The following ROBO2 variants were observed in gnomAD, a reference collection of about 807,000 sequenced individuals.
The protein encoded by ROBO2 is roundabout guidance receptor 2.
ROBO2 carries 53 observed loss-of-function variants against 160.8 expected under a neutral mutation model. The observed-to-expected ratio is 0.33, with a 90% CI of 0.26 to 0.41. The LOEUF is 0.41. ROBO2 is among the 10% of genes least tolerant of loss of function. The pLI, the probability that ROBO2 is intolerant of heterozygous loss-of-function variation, is 1.00. For synonymous variants in ROBO2, 664 were observed against 611.7 expected (o/e 1.09, Z -1.26); for missense variants, 1,577 against 1,722.4 (o/e 0.92, Z 1.49).
chr3:77,000,076 G>A (rs535656178), intron 2 of ROBO2, among the ~76,000 whole-genome samples: 11 of 152,064 alleles, frequency 7.2e-5, no homozygotes, highest in South Asian at 2.1e-4. Flanking sequence ...AACCTGAGTC[G>A]AGATGACCTG....
At chr3:76,435,253 C>G (rs2076618576) in intron 2 of ROBO2, 2 of 1,503,476 alleles carry the variant, frequency 1.3e-6, no homozygotes, top group South Asian at 2.3e-5. Context: ...GGCTGCCATG[C>G]TTACCTGAGC....
chr3:76,345,485 A>C (rs1292611578), intron 2 of ROBO2, among the ~76,000 whole-genome samples: 1 of 150,448 alleles, frequency 6.6e-6, no homozygotes, highest in Non-Finnish European at 1.5e-5. Flanking sequence ...ATTTTCAACA[A>C]GAAAACTATT....
chr3:77,340,553 C>T (rs879331797), intron 2 of ROBO2, among the ~76,000 whole-genome samples: 3 of 152,024 alleles, frequency 2.0e-5, no homozygotes, highest in Non-Finnish European at 4.4e-5. Context: ...GAACATAAGA[C>T]AAATCATCAT....
At chr3:76,580,889 A>G (rs568001854) in intron 2 of ROBO2, among the ~76,000 whole-genome samples, 1 of 152,264 alleles carries the variant, frequency 6.6e-6, no homozygotes, top group African/African-American at 2.4e-5. Flanking sequence ...GGCTAGTTTT[A>G]TATTTCTGGA....
At chr3:76,973,269 C>T (rs1413123173) in intron 2 of ROBO2, among the ~76,000 whole-genome samples, 1 of 152,258 alleles carries the variant, frequency 6.6e-6, no homozygotes, top group African/African-American at 2.4e-5. Context: ...CAAGTCCTAG[C>T]AACTCAGTGG....
intron 2 of ROBO2, among the ~76,000 whole-genome samples, chr3:76,127,133 A>G (rs373686278): frequency 2.0e-5 from 3 of 152,140 alleles, no homozygotes; most frequent in Admixed American, 6.5e-5. Context: ...ATCCATTACT[A>G]TGATTTCATA....
chr3:77,119,001 G>A (rs559662973), intron 2 of ROBO2, among the ~76,000 whole-genome samples: 1 of 152,272 alleles, frequency 6.6e-6, no homozygotes, highest in South Asian at 2.1e-4. Flanking sequence ...CTGGTGGGAG[G>A]TGATTGGATC....
chr3:76,523,970 CTG>C (rs972817951), intron 2 of ROBO2, among the ~76,000 whole-genome samples: 19 of 131,864 alleles, frequency 1.4e-4, no homozygotes, highest in Non-Finnish European at 2.1e-4. Context: ...AGTGAATATG[CTG>C]TGTGTGTGTG....
chr3:77,164,776 CGCCCGGCCAGCCGCCCCG>C (rs2078875226), intron 2 of ROBO2, among the ~76,000 whole-genome samples: 2 of 7,042 alleles, frequency 2.8e-4, no homozygotes, highest in African/African-American at 4.6e-4. Flanking sequence ...GTCAGACCCC[CGCCCGGCCAGCCGCCCCG>C]TCCGGGAGGT....
chr3:76,730,258 C>T lies in ROBO2; in HGVS notation c.110-367756C>T, dbSNP rs28670148. ...CTCACCTCCTACTCCCTACCCGCTT[C>T]TCCTCACCTCCTACTCCCTACCCGC... On this transcript the variant is annotated intron_variant, in intron 2 of 26. Transcript: ENST00000487694. Among the ~76,000 whole-genome samples, 58 of 29,038 alleles carry T rather than the reference C, an allele frequency of 2.0e-3. 2 individuals carry two copies. The highest frequency in any genetic ancestry group is 0.016 in the East Asian group (18 of 1,156). The allele number at this position is 29,038 out of a possible 152,430, so 19.1% of individuals were successfully genotyped here. A position where few individuals can be genotyped will look rare whatever the true frequency, so the allele number is the denominator to read the frequency against.
intron 2 of ROBO2, among the ~76,000 whole-genome samples, chr3:75,981,057 C>T (rs1482234033): frequency 3.3e-5 from 5 of 151,390 alleles, no homozygotes; most frequent in Middle Eastern, 3.4e-3. Context: ...AAATATTAAC[C>T]AAGTATTTCT....
rs543824251 is a variant in ROBO2, at chr3:76,185,305, A to G, written c.109+247703A>G. Among the ~76,000 whole-genome samples, 54 of 149,008 alleles carry G rather than the reference A, an allele frequency of 3.6e-4. 1 individual carries two copies. Among genetic ancestry groups the G allele is most frequent in the South Asian group, 2.1e-3 (10 of 4,714 alleles). ...GTAAACATTATTTACTGTTTTTATAAAGAAACCAATCTATTATCATTGCTT... is the reference window on the plus strand; with the variant it reads ...GTAAACATTATTTACTGTTTTTATAGAGAAACCAATCTATTATCATTGCTT... On this transcript the variant is annotated intron_variant, in intron 2 of 26. Transcript: ENST00000487694.
chr3:77,234,561 C>G (rs1026049247), intron 2 of ROBO2, among the ~76,000 whole-genome samples: 1 of 152,022 alleles, frequency 6.6e-6, no homozygotes, highest in Non-Finnish European at 1.5e-5. Context: ...AGAAGGTTAT[C>G]TGGCATATGA....
At position 76,197,495 on chromosome 3, in the gene ROBO2, A is replaced by C. The variant is rs552633870; in HGVS notation, c.109+259893A>C. ...ATCTCTCTATAGATTTGGATCTGGG[A>C]CTACCTTTCTCCTTTTGGGGAGTGA... is the stretch of plus-strand genomic sequence containing the variant. On this transcript the variant is annotated intron_variant, in intron 2 of 26. Coordinates refer to the ROBO2 transcript ENST00000487694. 1.5e-4 allele frequency among the ~76,000 whole-genome samples: 23 copies of C among 151,936 alleles called. 1 individual carries two copies. The highest frequency in any genetic ancestry group is 4.3e-4 in the African/African-American group (18 of 41,424).
chr3:76,806,263 A>G (rs552428403), intron 2 of ROBO2, among the ~76,000 whole-genome samples: 3 of 151,336 alleles, frequency 2.0e-5, no homozygotes, highest in Admixed American at 1.3e-4. Context: ...ATATACATAC[A>G]TGTACACATA....
chr3:77,490,490 G>A (rs1560982344), intron 4 of ROBO2, among the ~76,000 whole-genome samples: 1 of 152,042 alleles, frequency 6.6e-6, no homozygotes, highest in East Asian at 1.9e-4. Flanking sequence ...TAGATGATTT[G>A]TAATTTGATA....
intron 2 of ROBO2, among the ~76,000 whole-genome samples, chr3:76,836,459 A>G (rs1272142574): frequency 6.7e-6 from 1 of 150,316 alleles, no homozygotes; most frequent in Non-Finnish European, 1.5e-5. Context: ...AGATTCTTGA[A>G]TTAAAAAAAG....
At chr3:76,564,258 A>C (rs1006971743) in intron 2 of ROBO2, among the ~76,000 whole-genome samples, 2 of 152,246 alleles carry the variant, frequency 1.3e-5, no homozygotes, top group Non-Finnish European at 2.9e-5. Flanking sequence ...TGCTCCTTAC[A>C]GTTTCCAAAG....
intron 2 of ROBO2, among the ~76,000 whole-genome samples, chr3:76,096,764 A>G (rs565925573): frequency 1.3e-4 from 20 of 152,352 alleles, no homozygotes; most frequent in African/African-American, 3.8e-4. Flanking sequence ...TTCATAGAAA[A>G]GTAAACTGAA....
Sources: allele counts gnomAD v4.1 joint callset (sites outside exome capture counted in the v4.1 genomes callset), GRCh38; gene constraint gnomAD v4.1.1; transcripts MANE v1.5; gene names NCBI Gene and HGNC (gene_info 2026-07-23, HGNC 2026-07-21).